The following RPS6KA2 variants were observed in gnomAD, a reference collection of about 807,000 sequenced individuals.
RPS6KA2 encodes the protein ribosomal protein S6 kinase A2, also known as ribosomal protein S6 kinase alpha-2.
Under a neutral mutation model 91.8 loss-of-function variants are expected in RPS6KA2, and 42 were observed. That is an observed-to-expected ratio of 0.46 (90% CI 0.36 to 0.59). The LOEUF is 0.59. RPS6KA2 is among the 20% of genes least tolerant of loss of function. The pLI is 0.00. For synonymous variants in RPS6KA2, 414 were observed against 393.6 expected (o/e 1.05, Z -0.61); for missense variants, 798 against 978.5 (o/e 0.82, Z 2.46).
intron 2 of RPS6KA2, among the ~76,000 whole-genome samples, chr6:166,727,988 C>A (rs1051222410): frequency 6.6e-6 from 1 of 152,234 alleles, no homozygotes; most frequent in Non-Finnish European, 1.5e-5. Context: ...ACTAAACAGA[C>A]TTTTTCCCTT....
exon 1 of RPS6KA2, chr6:166,862,167 G>A (rs1270947447): frequency 6.2e-7 from 1 of 1,614,164 alleles, no homozygotes; most frequent in Non-Finnish European, 8.5e-7. Flanking sequence ...TGTGCGATTG[G>A]CATTTTTAAA....
At position 166,857,016 on chromosome 6, in the gene RPS6KA2, C is replaced by T. The variant is rs571469690; in HGVS notation, c.123+1184G>A. ...CCAGATTAGTGAAAATGCACAGAAC[C>T]GAAAGGCAGCTGGATAAACGTAAGG... is the stretch of plus-strand genomic sequence containing the variant. On this transcript the variant is annotated intron_variant, in intron 2 of 21. Transcript: ENST00000503859. 8.5e-5 allele frequency among the ~76,000 whole-genome samples: 13 copies of T among 152,294 alleles called. No individual in the cohort carries two copies. The East Asian group carries it at 1.7e-3, about 20-fold the overall frequency.
chr6:166,768,920 G>A (rs1304940298), intron 2 of RPS6KA2, among the ~76,000 whole-genome samples: 4 of 152,174 alleles, frequency 2.6e-5, no homozygotes, highest in Admixed American at 1.3e-4. Context: ...ACATGGCTCC[G>A]GGGGTTCTCC....
rs1788293454 is a variant in RPS6KA2 at position 166,665,634 on chromosome 6, C to T, written c.124-126850G>A. Among the ~76,000 whole-genome samples the T allele has an allele frequency of 6.6e-6, 1 of 152,204 alleles. No individual in the cohort carries two copies. The highest frequency in any genetic ancestry group is 2.4e-5 in the African/African-American group (1 of 41,454). On this transcript the variant is annotated intron_variant, in intron 2 of 21. Coordinates refer to the RPS6KA2 transcript ENST00000503859. This position sits in a 1 kb window ranked among gnomAD's most constrained non-coding sequence, Gnocchi z 4.5. ...AAGACTCCAGAGCCAGTGCGACCCTCATTAGAACAAGCACCGGAGACATGA... is the reference window on the plus strand; with the variant it reads ...AAGACTCCAGAGCCAGTGCGACCCTTATTAGAACAAGCACCGGAGACATGA...
At chr6:166,577,875 TA>T (rs1784884663) in intron 1 of RPS6KA2, among the ~76,000 whole-genome samples, 3 of 152,214 alleles carry the variant, frequency 2.0e-5, no homozygotes. Flanking sequence ...TGTACTGCCA[TA>T]ATTCCCTTGT....
intron 19 of RPS6KA2, among the ~76,000 whole-genome samples, chr6:166,415,467 CAG>C (rs1778466321): frequency 6.6e-6 from 1 of 152,210 alleles, no homozygotes; most frequent in African/African-American, 2.4e-5. Flanking sequence ...GGAAGAGGCA[CAG>C]GGGAAAGACG....
At chr6:166,643,744 C>T (rs907322251) in intron 2 of RPS6KA2, among the ~76,000 whole-genome samples, 18 of 152,188 alleles carry the variant, frequency 1.2e-4, no homozygotes, top group East Asian at 1.9e-4. Context: ...TTCTGACCTC[C>T]GCTGTCAGTC....
At chr6:166,504,042 A>C (rs1042013099) in intron 6 of RPS6KA2, among the ~76,000 whole-genome samples, 2 of 152,180 alleles carry the variant, frequency 1.3e-5, no homozygotes, top group African/African-American at 4.8e-5. Flanking sequence ...GGACTTGCTG[A>C]AGTAGATGAA....
chr6:166,511,376 C>T (rs191505879), intron 3 of RPS6KA2, among the ~76,000 whole-genome samples: 25 of 152,332 alleles, frequency 1.6e-4, no homozygotes, highest in African/African-American at 6.0e-4. Context: ...TTCCTTCTCT[C>T]CCTCTCCATG....
intron 2 of RPS6KA2, among the ~76,000 whole-genome samples, chr6:166,830,138 A>G (rs199969719): frequency 1.5e-5 from 2 of 129,042 alleles, no homozygotes; most frequent in African/African-American, 5.8e-5. Flanking sequence ...AAAAAAAAAA[A>G]AAAGAAAGAA....
rs891637570 is a variant in RPS6KA2 at position 166,618,717 on chromosome 6, G to A, written c.99+8204C>T. ...CATCCAAGCTTCGGGAGGGTAGGACGAGCGTCTCAGACGTACATCTCTTCT... is the reference window on the plus strand; with the variant it reads ...CATCCAAGCTTCGGGAGGGTAGGACAAGCGTCTCAGACGTACATCTCTTCT... On this transcript the variant is annotated intron_variant, in intron 1 of 20. Transcript: ENST00000265678. 4.6e-5 allele frequency among the ~76,000 whole-genome samples: 7 copies of A among 152,332 alleles called. No homozygotes were observed. In the South Asian group the frequency reaches 1.0e-3, roughly 23 times the overall value.
chr6:166,503,333 G>A (rs751730908), intron 6 of RPS6KA2, among the ~76,000 whole-genome samples: 1 of 152,278 alleles, frequency 6.6e-6, no homozygotes, highest in Admixed American at 6.5e-5. Context: ...GATATGGGAT[G>A]TGACCTGGTT....
chr6:166,751,413 G>A (rs1356770827), intron 2 of RPS6KA2, among the ~76,000 whole-genome samples: 1 of 152,272 alleles, frequency 6.6e-6, no homozygotes, highest in Non-Finnish European at 1.5e-5. Flanking sequence ...CAGCTGGGCT[G>A]TGGTCTGCTC....
intron 3 of RPS6KA2, among the ~76,000 whole-genome samples, chr6:166,530,513 G>A (rs1783234701): frequency 6.6e-6 from 1 of 152,212 alleles, no homozygotes; most frequent in Non-Finnish European, 1.5e-5. Context: ...TCCCCAGGGG[G>A]TCAGTTTATG....
In RPS6KA2 at chr6:166,612,271, G is replaced by A. The variant is rs1250701162; in HGVS notation, c.99+14650C>T. 6.6e-6 allele frequency among the ~76,000 whole-genome samples: 1 copy of A among 152,108 alleles called. No individual in the cohort carries two copies. Among genetic ancestry groups the A allele is most frequent in the Non-Finnish European group, 1.5e-5 (1 of 68,004 alleles). ...CAAGCCCCTTGACGAGGTGTGTGAT[G>A]TGGGCAGGTGTGATGGAAGAAAAGA... On this transcript the variant is annotated intron_variant, in intron 1 of 20. Transcript: ENST00000265678. This position sits in a 1 kb window ranked among gnomAD's most constrained non-coding sequence, Gnocchi z 4.3.
At chr6:166,529,520 T>C (rs11970189) in intron 3 of RPS6KA2, among the ~76,000 whole-genome samples, 28,162 of 151,758 alleles carry the variant, frequency 0.19, 2,781 homozygotes, top group South Asian at 0.25. Flanking sequence ...TGTATACATA[T>C]GTAACAAACC....
intron 1 of RPS6KA2, among the ~76,000 whole-genome samples, chr6:166,585,450 G>A (rs925950748): frequency 2.7e-5 from 4 of 147,620 alleles, no homozygotes; most frequent in African/African-American, 9.9e-5. Flanking sequence ...TGTCCAGGCT[G>A]ATCTTTTAAG....
intron 19 of RPS6KA2, among the ~76,000 whole-genome samples, chr6:166,416,678 C>T (rs1778540083): frequency 3.1e-5 from 3 of 97,852 alleles, no homozygotes; most frequent in South Asian, 1.5e-3. Context: ...TCCATCCCTG[C>T]TCCCACCATT....
At chr6:166,851,714 A>G (rs1780751618) in intron 2 of RPS6KA2, among the ~76,000 whole-genome samples, 2 of 152,172 alleles carry the variant, frequency 1.3e-5, no homozygotes, top group African/African-American at 4.8e-5. Flanking sequence ...GAAAGAAAGC[A>G]CTCTGGGAAA....
Sources: allele counts gnomAD v4.1 joint callset (sites outside exome capture counted in the v4.1 genomes callset), GRCh38; gene constraint gnomAD v4.1.1; non-coding constraint Gnocchi (gnomAD v3.1); transcripts MANE v1.5; gene names NCBI Gene and HGNC (gene_info 2026-07-23, HGNC 2026-07-21).